RAB37: variants seen among roughly 807,000 people sequenced by gnomAD.
RAB37 encodes the protein RAB37, member RAS oncogene family.
Under a neutral mutation model 33.1 loss-of-function variants are expected in RAB37, and 29 were observed. The observed-to-expected ratio is 0.88, with a 90% confidence interval of 0.65 to 1.20. The LOEUF is 1.20. RAB37 is among the 50% of genes most tolerant of loss of function. The probability of loss-of-function intolerance (pLI) is 0.00; values close to 1 mark genes in which losing one functional copy is unlikely to be tolerated. For missense variants in RAB37, 299 were observed against 301.1 expected (o/e 0.99, Z 0.05); for synonymous variants, 128 against 119.5 (o/e 1.07, Z -0.47).
At chr17:74,698,238 G>T in intron 1 of RAB37, 1 of 700,542 alleles carries the variant, frequency 1.4e-6, no homozygotes, top group Non-Finnish European at 2.4e-6. Context: ...GGCACTGCCA[G>T]CTGCTGAGGG....
chr17:74,715,872 T>C (rs935528567), intron 1 of RAB37, among the ~76,000 whole-genome samples: 1 of 151,906 alleles, frequency 6.6e-6, no homozygotes, highest in Non-Finnish European at 1.5e-5. Context: ...TACTAAAAAA[T>C]ACAAAAAATT....
chr17:74,676,103 C>G lies in RAB37; in HGVS notation c.72+4445C>G, dbSNP rs2031827276. Among the ~76,000 whole-genome samples, 1 of 152,124 alleles carries G rather than the reference C, an allele frequency of 6.6e-6. No homozygotes were observed. The highest frequency in any genetic ancestry group is 2.1e-4 in the South Asian group (1 of 4,820). ...CAGGAACAGCCCACGGATTGGGTCC[C>G]TACTGTGCCAGGGTCTGACCTTGAG... On this transcript the variant is annotated intron_variant, in intron 1 of 7. Transcript: ENST00000340415. This position sits in a 1 kb window ranked among gnomAD's most constrained non-coding sequence, Gnocchi z 4.1.
At position 74,742,415 on chromosome 17, in the gene RAB37, C is replaced by A; in HGVS notation, c.246+120C>A. 1.4e-6 allele frequency: 1 copy of A among 737,288 alleles called. No individual in the cohort carries two copies. The highest frequency in any genetic ancestry group is 2.2e-6 in the Non-Finnish European group (1 of 444,638). 45.7% of individuals were successfully genotyped at this position (737,288 alleles called of 1,614,324 possible). ...CTGGGGCAATTTCCTGTGGGGCCCA[C>A]GGGAGGAAATGGCTTTTGTTTATTT... is the stretch of plus-strand genomic sequence containing the variant. On this transcript the variant is annotated intron_variant, in intron 3 of 8. Coordinates refer to ENST00000392613, the MANE Select transcript of RAB37 (RefSeq NM_001006638.3). The surrounding 1 kb of genome is among the most constrained non-coding windows in gnomAD (Gnocchi z 4.0).
At chr17:74,696,964 G>T (rs921608491) in intron 1 of RAB37, among the ~76,000 whole-genome samples, 4 of 151,868 alleles carry the variant, frequency 2.6e-5, no homozygotes, top group Non-Finnish European at 5.9e-5. Context: ...GTTTTGAGAT[G>T]GAGTTTCTCT....
At chr17:74,672,062 T>C (rs1232205641) in intron 1 of RAB37, among the ~76,000 whole-genome samples, 1 of 152,192 alleles carries the variant, frequency 6.6e-6, no homozygotes, top group African/African-American at 2.4e-5. Context: ...TGAAATTAGA[T>C]AAATGGTCTG....
chr17:74,672,244 A>C (rs2031722013), intron 1 of RAB37, among the ~76,000 whole-genome samples: 1 of 152,172 alleles, frequency 6.6e-6, no homozygotes, highest in Non-Finnish European at 1.5e-5. Context: ...TCAGTAATGC[A>C]GGTCTCCCCC....
intron 1 of RAB37, chr17:74,695,049 G>A (rs559600785): frequency 6.3e-7 from 1 of 1,588,138 alleles, no homozygotes; most frequent in Non-Finnish European, 8.6e-7. Context: ...CGATGAGGCA[G>A]GAGTGTGCTC....
chr17:74,728,782 T>C (rs1250664835), intron 1 of RAB37, among the ~76,000 whole-genome samples: 2 of 151,724 alleles, frequency 1.3e-5, no homozygotes, highest in East Asian at 3.9e-4. Context: ...TATGTTTCTG[T>C]GTCATGTGTG....
chr17:74,699,656 G>T (rs573325097), intron 1 of RAB37, among the ~76,000 whole-genome samples: 50 of 152,094 alleles, frequency 3.3e-4, no homozygotes, highest in Non-Finnish European at 6.5e-4. Flanking sequence ...CCCCAGGGTG[G>T]CAACAGCCCT....
intron 1 of RAB37, chr17:74,702,892 G>A (rs1335047557): frequency 1.5e-6 from 1 of 660,272 alleles, no homozygotes; most frequent in Non-Finnish European, 2.7e-6. Flanking sequence ...GACAGCAAGT[G>A]GGAAGGGCTC....
intron 1 of RAB37, among the ~76,000 whole-genome samples, chr17:74,720,745 G>T (rs910271286): frequency 2.6e-5 from 4 of 152,158 alleles, no homozygotes; most frequent in Non-Finnish European, 2.9e-5. Flanking sequence ...CCAGCTCAGT[G>T]GAGAGCCAGG....
At chr17:74,721,544 T>G (rs529574833) in intron 1 of RAB37, among the ~76,000 whole-genome samples, 16 of 152,030 alleles carry the variant, frequency 1.1e-4, no homozygotes, top group African/African-American at 3.9e-4. Flanking sequence ...GTGATTCTCC[T>G]GCCTCAGCTT....
rs2034353138 is a variant in RAB37 at position 74,729,167 on chromosome 17, G to A, written c.73-89G>A. ...TGCATGTTGTGCACATGCGTGCTTA[G>A]AAAGAATCCACTCCCACAGCCACAA... is the stretch of plus-strand genomic sequence containing the variant. On this transcript the variant is annotated intron_variant, in intron 1 of 7. Coordinates refer to the RAB37 transcript ENST00000340415. This position sits in a 1 kb window ranked among gnomAD's most constrained non-coding sequence, Gnocchi z 4.2. 3 of 866,804 alleles carry A rather than the reference G, an allele frequency of 3.5e-6. No individual in the cohort carries two copies. The highest frequency in any genetic ancestry group is 6.0e-6 in the Non-Finnish European group (3 of 500,160). The allele number at this position is 866,804 out of a possible 1,614,324, so 53.7% of individuals were successfully genotyped here.
At chr17:74,692,324 T>G (rs1419388125) in intron 1 of RAB37, among the ~76,000 whole-genome samples, 1 of 152,156 alleles carries the variant, frequency 6.6e-6, no homozygotes, top group Non-Finnish European at 1.5e-5. Flanking sequence ...CTTAGATGAC[T>G]AGCTCAAGAA....
At chr17:74,741,622 T>C (rs2034620390) in intron 2 of RAB37, among the ~76,000 whole-genome samples, 1 of 149,336 alleles carries the variant, frequency 6.7e-6, no homozygotes, top group African/African-American at 2.5e-5. Flanking sequence ...CTGGCCATGT[T>C]GGGAGACAGC....
At chr17:74,684,608 C>A (rs1157257243) in intron 1 of RAB37, among the ~76,000 whole-genome samples, 1 of 151,842 alleles carries the variant, frequency 6.6e-6, no homozygotes, top group African/African-American at 2.4e-5. Flanking sequence ...ACCAACATGA[C>A]GAAACCCTGT....
At chr17:74,721,924 C>T (rs2034245919) in intron 1 of RAB37, among the ~76,000 whole-genome samples, 1 of 152,144 alleles carries the variant, frequency 6.6e-6, no homozygotes, top group Non-Finnish European at 1.5e-5. Context: ...TATCAAGCCG[C>T]TATACATTAT....
intron 1 of RAB37, among the ~76,000 whole-genome samples, chr17:74,727,424 G>C (rs892899828): frequency 6.6e-6 from 1 of 152,242 alleles, no homozygotes; most frequent in African/African-American, 2.4e-5. Flanking sequence ...AGGGCAGAAA[G>C]GTTGCATGGA....
intron 1 of RAB37, 141 bp downstream of exon 1, chr17:74,737,506 T>C (rs2034508608): frequency 2.0e-6 from 2 of 1,015,946 alleles, no homozygotes; most frequent in South Asian, 1.7e-5. Context: ...ACACAGCCTC[T>C]GGGGCCGTCC....
Sources: gnomAD v4.1 joint callset for allele counts (sites outside exome capture counted in the v4.1 genomes callset) on GRCh38, gnomAD v4.1.1 for gene constraint, Gnocchi (gnomAD v3.1) non-coding constraint, MANE v1.5 for transcripts, NCBI Gene and HGNC (gene_info 2026-07-23, HGNC 2026-07-21) for gene names.